EBF2: variants seen among roughly 807,000 people sequenced by gnomAD.
EBF2 encodes transcription factor COE2.
A neutral mutation model predicts 72.8 loss-of-function variants in EBF2; 21 were observed. The ratio of observed to expected loss-of-function variants is 0.29; its 90% CI spans 0.20 to 0.42. EBF2 has a LOEUF of 0.42. Among genes scored for constraint, EBF2 ranks in the 10% least tolerant of loss-of-function variants. The probability of loss-of-function intolerance (pLI) is 1.00; values close to 1 mark genes in which losing one functional copy is unlikely to be tolerated. For synonymous variants in EBF2, 299 were observed against 274.2 expected (o/e 1.09, Z -0.89); for missense variants, 637 against 731.2 (o/e 0.87, Z 1.49).
intron 10 of EBF2, among the ~76,000 whole-genome samples, chr8:25,876,881 G>C (rs1206246542): frequency 6.6e-6 from 1 of 152,172 alleles, no homozygotes; most frequent in African/African-American, 2.4e-5. Context: ...GGAGCCTGTA[G>C]GACAGAGCCT....
At chr8:25,896,118 A>G (rs1802860840) in intron 7 of EBF2, among the ~76,000 whole-genome samples, 1 of 152,242 alleles carries the variant, frequency 6.6e-6, no homozygotes, top group Admixed American at 6.5e-5. Flanking sequence ...TGAAAGAAAA[A>G]GAGAAGTCAA....
chr8:26,009,644 A>G (rs957215184), intron 6 of EBF2, among the ~76,000 whole-genome samples: 1 of 152,234 alleles, frequency 6.6e-6, no homozygotes, highest in African/African-American at 2.4e-5. Flanking sequence ...ATTCTTGGCA[A>G]ACGGCATCCG....
intron 6 of EBF2, among the ~76,000 whole-genome samples, chr8:25,993,312 A>G (rs1360526564): frequency 6.6e-6 from 1 of 152,220 alleles, no homozygotes; most frequent in Non-Finnish European, 1.5e-5. Context: ...CCTCTTCCCT[A>G]TAAATTGGCC....
At chr8:25,947,474 C>A (rs1018231023) in intron 6 of EBF2, among the ~76,000 whole-genome samples, 3 of 152,142 alleles carry the variant, frequency 2.0e-5, no homozygotes, top group African/African-American at 7.2e-5. Flanking sequence ...ATGCTGTAGC[C>A]CTAGTCAAAG....
At chr8:26,009,202 C>T (rs987251695) in intron 6 of EBF2, among the ~76,000 whole-genome samples, 2 of 148,432 alleles carry the variant, frequency 1.3e-5, no homozygotes, top group African/African-American at 5.0e-5. Flanking sequence ...CTTTCCTTTT[C>T]CTTGAATTAC....
intron 6 of EBF2, among the ~76,000 whole-genome samples, chr8:25,919,723 C>G (rs1364786598): frequency 6.6e-6 from 1 of 152,212 alleles, no homozygotes; most frequent in Non-Finnish European, 1.5e-5. Flanking sequence ...TTGGCCAAAG[C>G]CGGGAGCAGA....
intron 6 of EBF2, among the ~76,000 whole-genome samples, chr8:25,977,959 G>C (rs1306904801): frequency 6.6e-6 from 1 of 152,118 alleles, no homozygotes; most frequent in East Asian, 1.9e-4. Flanking sequence ...GGTTTGACTT[G>C]AGCTTTACTG....
intron 6 of EBF2, chr8:26,031,933 C>T (rs927397902): frequency 2.6e-5 from 4 of 152,180 alleles, no homozygotes; most frequent in Non-Finnish European, 5.9e-5. Flanking sequence ...CAATAGCTCC[C>T]TAAAACGCAG....
At chr8:25,893,572 C>T (rs1802819817) in intron 7 of EBF2, among the ~76,000 whole-genome samples, 1 of 152,108 alleles carries the variant, frequency 6.6e-6, no homozygotes, top group East Asian at 1.9e-4. Context: ...GCCACCGCAC[C>T]CAGCCATGGG....
intron 14 of EBF2, among the ~76,000 whole-genome samples, chr8:25,857,254 C>T (rs1416971420): frequency 1.3e-5 from 2 of 152,030 alleles, no homozygotes; most frequent in Non-Finnish European, 2.9e-5. Context: ...ATCTTTATCT[C>T]ACCGTGTAGT....
Position 25,861,111 on chromosome 8 carries a change from A to G in EBF2, c.1280T>C (p.Ile427Thr), listed in dbSNP as rs1563378952. 1 of 1,614,198 alleles carries G rather than the reference A, an allele frequency of 6.2e-7. No homozygotes were observed. Among genetic ancestry groups the G allele is most frequent in the Non-Finnish European group, 8.5e-7 (1 of 1,180,030 alleles). ...CCCAAGCTGGCTGCCATAGGAGTTG[A>G]TTCCCATCATGCCACTGTGCGCTGG... ...SSPAHSGMMG[I>T]NSYGSQLGVS... Residue 427 changes from isoleucine (I) to threonine (T), a missense_variant, in exon 13 of 16, where the codon ATC becomes ACC. Coordinates refer to ENST00000520164, the MANE Select transcript of EBF2 (RefSeq NM_022659.4).
chr8:25,847,819 C>A (rs1487808016), intron 15 of EBF2, among the ~76,000 whole-genome samples: 4 of 152,054 alleles, frequency 2.6e-5, no homozygotes, highest in Non-Finnish European at 5.9e-5. Flanking sequence ...TTTGCAATTT[C>A]TTTTTAGGCT....
intron 6 of EBF2, among the ~76,000 whole-genome samples, chr8:25,991,138 T>C (rs1189022591): frequency 1.3e-5 from 2 of 152,214 alleles, no homozygotes; most frequent in African/African-American, 4.8e-5. Flanking sequence ...ATGCTGTTTC[T>C]TTTGCAAACT....
intron 13 of EBF2, 121 bp from the exon 14 acceptor site, chr8:25,858,625 G>T: frequency 2.2e-5 from 10 of 451,664 alleles, no homozygotes; most frequent in Non-Finnish European, 2.7e-5. Flanking sequence ...CCGGGCAGTT[G>T]TAGGAAGTGT....
At chr8:25,920,267 G>A (rs1803285579) in intron 6 of EBF2, among the ~76,000 whole-genome samples, 1 of 152,176 alleles carries the variant, frequency 6.6e-6, no homozygotes, top group African/African-American at 2.4e-5. Context: ...TATAATAGGA[G>A]GCCTGGTTTC....
At chr8:26,019,552 A>G (rs916097042) in intron 6 of EBF2, among the ~76,000 whole-genome samples, 1 of 152,214 alleles carries the variant, frequency 6.6e-6, no homozygotes, top group African/African-American at 2.4e-5. Flanking sequence ...CATTGGCCCC[A>G]GGACCTATAG....
intron 15 of EBF2, among the ~76,000 whole-genome samples, chr8:25,846,836 TACATCC>T (rs1376227856): frequency 2.6e-5 from 4 of 152,214 alleles, no homozygotes; most frequent in African/African-American, 7.2e-5. Flanking sequence ...CTCCTAGTCC[TACATCC>T]AGACTGGGTA....
At chr8:25,934,196 C>T (rs1364187293) in intron 6 of EBF2, among the ~76,000 whole-genome samples, 2 of 149,644 alleles carry the variant, frequency 1.3e-5, no homozygotes, top group Non-Finnish European at 1.5e-5. Flanking sequence ...AAGGACCAGG[C>T]TGCTGCTTAT....
In EBF2 at chr8:25,888,134, C is replaced by T. The variant is rs144472480; in HGVS notation, c.752-162G>A. Among the ~76,000 whole-genome samples the T allele has an allele frequency of 4.1e-3, 624 of 152,266 alleles. 4 individuals are homozygous for T. Among genetic ancestry groups the T allele is most frequent in the Non-Finnish European group, 6.2e-3 (419 of 68,018 alleles). On this transcript the variant is annotated intron_variant, in intron 8 of 15. Coordinates refer to ENST00000520164, the MANE Select transcript of EBF2 (RefSeq NM_022659.4). ...CTAACAAACAACAAACAAAAAAGGT[C>T]CATGTATAATTTTTGTGATATCCCC...
Sources: gnomAD v4.1 joint callset for allele counts (sites outside exome capture counted in the v4.1 genomes callset) on GRCh38, gnomAD v4.1.1 for gene constraint, MANE v1.5 for transcripts, NCBI Gene and HGNC (gene_info 2026-07-23, HGNC 2026-07-21) for gene names.